TNRC6C: variants seen among roughly 807,000 people sequenced by gnomAD.
TNRC6C encodes the protein trinucleotide repeat containing adaptor 6C, also known as trinucleotide repeat-containing gene 6C protein.
TNRC6C carries 20 observed loss-of-function variants against 153.7 expected under a neutral mutation model. The ratio of observed to expected loss-of-function variants is 0.13; its 90% confidence interval spans 0.09 to 0.19. The LOEUF is 0.19. Among genes scored for constraint, TNRC6C ranks in the 10% least tolerant of loss-of-function variants. The pLI is 1.00. For synonymous variants in TNRC6C, 811 were observed against 841.4 expected (o/e 0.96, Z 0.63); for missense variants, 1,987 against 2,172.0 (o/e 0.91, Z 1.69).
In TNRC6C at chr17:78,067,749, G is replaced by T; in HGVS notation, c.2612-8G>T. ...AATTTGATAAGTTCATGTTTGCTCT[G>T]TTTCTAGCTTCAAAATCTATGCAAG... On this transcript the variant is annotated splice_polypyrimidine_tract_variant and splice_region_variant and intron_variant, in intron 4 of 19. Coordinates refer to ENST00000301624, the Ensembl canonical transcript of TNRC6C. The T allele has an allele frequency of 6.2e-7, 1 of 1,603,432 alleles. No homozygotes were observed. The highest frequency in any genetic ancestry group is 8.5e-7 in the Non-Finnish European group (1 of 1,176,178).
chr17:77,958,455 A>T (rs1373674913), upstream of TNRC6C, among the ~76,000 whole-genome samples: 1 of 151,716 alleles, frequency 6.6e-6, no homozygotes, highest in Non-Finnish European at 1.5e-5. Flanking sequence ...AGGGAACCAC[A>T]GCGCGGGCGG....
At chr17:78,082,959 A>C in intron 10 of TNRC6C, 88 bp from the exon 13 acceptor site, 3 of 1,485,266 alleles carry the variant, frequency 2.0e-6, no homozygotes, top group Non-Finnish European at 2.7e-6. Context: ...ATTATCATTT[A>C]ATCATTTTTG....
chr17:78,066,711 A>G (rs1187881541), intron 4 of TNRC6C: 1 of 152,180 alleles, frequency 6.6e-6, no homozygotes, highest in Non-Finnish European at 1.5e-5. Flanking sequence ...ACAATATCTG[A>G]AGTGGAAACT....
chr17:78,047,070 GCTGT>G (rs2072426528), intron 2 of TNRC6C, among the ~76,000 whole-genome samples: 1 of 151,916 alleles, frequency 6.6e-6, no homozygotes, highest in Admixed American at 6.6e-5. Context: ...TGCAGTGAGT[GCTGT>G]CTTAGTCAAG....
chr17:78,097,106 T>C (rs1444539064), intron 16 of TNRC6C, among the ~76,000 whole-genome samples: 2 of 152,166 alleles, frequency 1.3e-5, no homozygotes, highest in African/African-American at 4.8e-5. Flanking sequence ...TCCCTGTGAC[T>C]CCGGAGGCTG....
At chr17:78,008,251 A>G (rs2071557849) in intron 1 of TNRC6C, among the ~76,000 whole-genome samples, 1 of 152,306 alleles carries the variant, frequency 6.6e-6, no homozygotes, top group South Asian at 2.1e-4. Flanking sequence ...CCCTCCCCCA[A>G]CAAATTTGAA....
chr17:77,989,328 T>G lies in TNRC6C; in HGVS notation c.-37-14842T>G, dbSNP rs150526880. Reference sequence around the variant, plus strand: ...TTCTGAATTTCGCTCTGGATATTATTTGGGTGAAAAATTTACTTAAGCTTA... The same window carrying G: ...TTCTGAATTTCGCTCTGGATATTATGTGGGTGAAAAATTTACTTAAGCTTA... On this transcript the variant is annotated intron_variant, in intron 1 of 22. Coordinates refer to the TNRC6C transcript ENST00000636222. Among the ~76,000 whole-genome samples, 162 of 152,352 alleles carry G rather than the reference T, an allele frequency of 1.1e-3. 1 individual carries two copies. The highest frequency in any genetic ancestry group is 3.8e-3 in the African/African-American group (158 of 41,586).
At chr17:78,006,622 T>G (rs141233713) in intron 1 of TNRC6C, among the ~76,000 whole-genome samples, 9 of 145,278 alleles carry the variant, frequency 6.2e-5, no homozygotes, top group African/African-American at 2.5e-4. Flanking sequence ...TCTTCTTCTT[T>G]CTTCTTCTTC....
chr17:78,051,502 T>A, intron 3 of TNRC6C, 54 bp downstream of exon 5: 1 of 1,189,630 alleles, frequency 8.4e-7, no homozygotes, highest in Non-Finnish European at 1.1e-6. Flanking sequence ...AAAAAAAGCT[T>A]ATTCTCATTA....
chr17:78,083,111 C>G, exon 11 of TNRC6C: 1 of 1,613,998 alleles, frequency 6.2e-7, no homozygotes, highest in Non-Finnish European at 8.5e-7. Context: ...CTATTAACCT[C>G]GCCAATTAAT....
At chr17:78,050,745 C>A in exon 3 of TNRC6C, 1 of 1,592,160 alleles carries the variant, frequency 6.3e-7, no homozygotes. Flanking sequence ...GGAGTGGGGC[C>A]GCAAATCAGG....
At chr17:78,078,690 C>T (rs1043634066) in intron 9 of TNRC6C, among the ~76,000 whole-genome samples, 10 of 152,144 alleles carry the variant, frequency 6.6e-5, no homozygotes, top group East Asian at 1.9e-4. Context: ...TGGGGCCGAA[C>T]GAGGTGGCTC....
At chr17:78,091,333 A>AG in intron 13 of TNRC6C, 107 bp from the exon 16 acceptor site, 1 of 1,317,870 alleles carries the variant, frequency 7.6e-7, no homozygotes, top group South Asian at 2.1e-5. Flanking sequence ...TCTCAAAAAA[A>AG]AAAAAAAATT....
At chr17:77,986,702 CATT>C (rs2071174828) in intron 1 of TNRC6C, among the ~76,000 whole-genome samples, 1 of 152,078 alleles carries the variant, frequency 6.6e-6, no homozygotes, top group Non-Finnish European at 1.5e-5. Flanking sequence ...TAAATAGTGT[CATT>C]GTGGCAGAAG....
intron 6 of TNRC6C, 85 bp downstream of exon 8, chr17:78,071,250 G>T (rs1218975513): frequency 7.5e-7 from 1 of 1,331,794 alleles, no homozygotes; most frequent in Non-Finnish European, 1.1e-6. Context: ...TTTGTTATGT[G>T]TGTCAGAAGA....
upstream of TNRC6C, among the ~76,000 whole-genome samples, chr17:78,002,719 A>T (rs1464472436): frequency 6.6e-6 from 1 of 152,164 alleles, no homozygotes; most frequent in Non-Finnish European, 1.5e-5. Flanking sequence ...ATAGCACGCC[A>T]TCTCTGTTTA....
chr17:78,064,084 C>T (rs1184784741), intron 3 of TNRC6C, among the ~76,000 whole-genome samples: 1 of 152,096 alleles, frequency 6.6e-6, no homozygotes, highest in African/African-American at 2.4e-5. Context: ...TGCTCTGTCG[C>T]CCAGGCTAGA....
At chr17:78,031,838 A>G in exon 2 of TNRC6C, 2 of 1,232,210 alleles carry the variant, frequency 1.6e-6, no homozygotes, top group Non-Finnish European at 2.0e-6. Context: ...GTAAGCTCCA[A>G]CCAGGTAAAA....
At chr17:78,074,640 G>A (rs535401908) in intron 7 of TNRC6C, among the ~76,000 whole-genome samples, 1 of 152,338 alleles carries the variant, frequency 6.6e-6, no homozygotes, top group East Asian at 1.9e-4. Flanking sequence ...ACATCTGGAA[G>A]AATACTTGCA....
Sources: gnomAD v4.1 joint callset for allele counts (sites outside exome capture counted in the v4.1 genomes callset) on GRCh38, gnomAD v4.1.1 for gene constraint, MANE v1.5 for transcripts, NCBI Gene and HGNC (gene_info 2026-07-23, HGNC 2026-07-21) for gene names.